The following TMEM255A variants were observed in gnomAD, a reference collection of about 807,000 sequenced individuals.
The protein encoded by TMEM255A is family with sequence similarity 70, member A.
TMEM255A carries 14 observed loss-of-function variants against 23.5 expected under a neutral mutation model. The ratio of observed to expected loss-of-function variants is 0.60; its 90% CI spans 0.39 to 0.93. The LOEUF (loss-of-function observed/expected upper bound fraction) is 0.93, where lower values mean the gene tolerates loss of function less well. TMEM255A is among the 40% of genes least tolerant of loss of function. The pLI is 0.00. For synonymous variants in TMEM255A, 104 were observed against 100.3 expected (o/e 1.04, Z -0.22); for missense variants, 233 against 261.7 (o/e 0.89, Z 0.76).
intron 7 of TMEM255A, among the ~76,000 whole-genome samples, chrX:120,270,110 G>T (rs887582499): frequency 9.0e-6 from 1 of 111,315 alleles, no homozygotes; most frequent in Non-Finnish European, 1.9e-5. Context: ...AGGATATAGA[G>T]AAAATGGACA....
chrX:120,287,206 T>C lies in TMEM255A; in HGVS notation c.371A>G (p.Tyr124Cys). Reference protein sequence around the residue: ...AARHIDLKPLYANRCHYVPKT... With the variant: ...AARHIDLKPLCANRCHYVPKT... ...GGGAACATAATGGCACCGGTTAGCG[T>C]AGAGTGGTTTCAGATCCTGAAAAGG... is the stretch of plus-strand genomic sequence containing the variant. Residue 124 changes from tyrosine to cysteine, a missense_variant, in exon 5 of 9, where the codon TAC becomes TGC. Coordinates refer to ENST00000371369, the MANE Select transcript of TMEM255A (RefSeq NM_001104544.3). 3.3e-6 allele frequency: 4 copies of C among 1,209,821 alleles called. No homozygotes were observed. The highest frequency in any genetic ancestry group is 4.5e-6 in the Non-Finnish European group (4 of 894,467).
At chrX:120,291,702 C>G (rs1876406502) in intron 3 of TMEM255A, among the ~76,000 whole-genome samples, 1 of 106,947 alleles carries the variant, frequency 9.4e-6, no homozygotes, top group African/African-American at 3.4e-5. Flanking sequence ...GTTCAATCCT[C>G]TATTTTATTT....
chrX:120,306,037 G>A (rs1452912617), intron 1 of TMEM255A, among the ~76,000 whole-genome samples: 1 of 111,769 alleles, frequency 8.9e-6, no homozygotes, highest in Non-Finnish European at 1.9e-5. Flanking sequence ...TGGTTTGAAC[G>A]TTTATAGGCA....
chrX:120,296,227 A>G (rs2057953828), intron 2 of TMEM255A, among the ~76,000 whole-genome samples: 1 of 111,168 alleles, frequency 9.0e-6, no homozygotes, highest in South Asian at 3.8e-4. Flanking sequence ...GACACTCTCT[A>G]TTCCTCATAT....
chrX:120,300,195 C>T (rs1467596228), intron 2 of TMEM255A, among the ~76,000 whole-genome samples: 2 of 110,919 alleles, frequency 1.8e-5, no homozygotes, highest in Non-Finnish European at 3.8e-5. Context: ...GGAGGTGTAC[C>T]GGGAAGCAGC....
chrX:120,277,081 C>T (rs782171699), intron 6 of TMEM255A, 34 bp from the exon 7 acceptor site: 3 of 1,170,532 alleles, frequency 2.6e-6, no homozygotes, highest in East Asian at 3.0e-5. Flanking sequence ...AGTCAGTCCC[C>T]AGGGAGCAGG....
chrX:120,265,049 G>C (rs1227226471), intron 8 of TMEM255A, among the ~76,000 whole-genome samples: 1 of 110,114 alleles, frequency 9.1e-6, no homozygotes, highest in Non-Finnish European at 1.9e-5. Context: ...AGCTAATTTT[G>C]TATTTTTAGT....
At chrX:120,266,628 C>T (rs943907951) in intron 8 of TMEM255A, among the ~76,000 whole-genome samples, 2 of 112,218 alleles carry the variant, frequency 1.8e-5, no homozygotes, top group African/African-American at 6.5e-5. Context: ...GTGCAAATTC[C>T]TGAAATCAAT....
chrX:120,286,003 C>G, intron 5 of TMEM255A: 2 of 909,498 alleles, frequency 2.2e-6, no homozygotes, highest in Non-Finnish European at 3.0e-6. Context: ...GCATTTTTTT[C>G]TATATTGGGT....
At chrX:120,296,875 TCA>T (rs782371284) in intron 2 of TMEM255A, among the ~76,000 whole-genome samples, 1 of 8,340 alleles carries the variant, frequency 1.2e-4, no homozygotes, top group Admixed American at 4.4e-3. Flanking sequence ...ATATTATATA[TCA>T]TATATATTAT....
At chrX:120,251,612 C>A in the TMEM255A span, among the ~76,000 whole-genome samples, 1 of 111,845 alleles carries the variant, frequency 8.9e-6, no homozygotes, top group Non-Finnish European at 1.9e-5. Context: ...TCAGCTGCCG[C>A]AGGGAGCCGC....
At chrX:120,286,004 T>C in intron 5 of TMEM255A, 1 of 902,755 alleles carries the variant, frequency 1.1e-6, no homozygotes, top group Non-Finnish European at 1.5e-6. Context: ...CATTTTTTTC[T>C]ATATTGGGTC....
intron 2 of TMEM255A, among the ~76,000 whole-genome samples, 159 bp from the exon 3 acceptor site, chrX:120,294,210 G>A (rs1177193350): frequency 2.7e-5 from 3 of 110,356 alleles, no homozygotes; most frequent in South Asian, 7.8e-4. Flanking sequence ...CGAGGCGGGC[G>A]GATCACGAGG....
Position 120,275,136 on chromosome X carries a change from C to G in TMEM255A, c.675+1749G>C, listed in dbSNP as rs182434792. On this transcript the variant is annotated intron_variant, in intron 7 of 8. Coordinates refer to ENST00000371369, the MANE Select transcript of TMEM255A (RefSeq NM_001104544.3). ...CAGAAACAGCTTTTTTTGCAGCTCT[C>G]TAACCTAAAAGCTTCCTCAAGGCCA... 3.2e-3 allele frequency among the ~76,000 whole-genome samples: 355 copies of G among 112,323 alleles called. 2 individuals are homozygous for G. The highest frequency in any genetic ancestry group is 0.011 in the African/African-American group (334 of 30,931).
At chrX:120,264,879 CTT>C (rs3030544) in intron 8 of TMEM255A, among the ~76,000 whole-genome samples, 5 of 93,632 alleles carry the variant, frequency 5.3e-5, no homozygotes, top group Non-Finnish European at 4.3e-5. Context: ...CTTGACTTTC[CTT>C]TTTTTTTTTT....
rs146774862 is a variant in TMEM255A, at chrX:120,281,686, C to T, written c.512+3441G>A. Among the ~76,000 whole-genome samples the T allele has an allele frequency of 2.6e-3, 293 of 112,746 alleles. 2 individuals are homozygous for T. The highest frequency in any genetic ancestry group is 8.8e-3 in the African/African-American group (273 of 31,065). On this transcript the variant is annotated intron_variant, in intron 6 of 8. Transcript: ENST00000371369. ...GAAGAAAAGAGTGAATGGAAGTAGG[C>T]TATCTTCTTTCATTTTATTACCAGC...
At chrX:120,296,653 ATATAT>A (rs2057960512) in intron 2 of TMEM255A, among the ~76,000 whole-genome samples, 1 of 65,529 alleles carries the variant, frequency 1.5e-5, no homozygotes, top group African/African-American at 6.7e-5. Flanking sequence ...ATAATATAAT[ATATAT>A]TATAATATAA....
intron 2 of TMEM255A, among the ~76,000 whole-genome samples, chrX:120,297,077 AT>A (rs1436456078): frequency 1.3e-4 from 1 of 7,660 alleles, no homozygotes; most frequent in Non-Finnish European, 1.5e-4. Context: ...TATATATTAT[AT>A]TATATTATAA....
intron 7 of TMEM255A, 141 bp from the exon 8 acceptor site, chrX:120,268,528 A>G: frequency 4.9e-6 from 2 of 409,396 alleles, no homozygotes; most frequent in Non-Finnish European, 7.7e-6. Context: ...AAGGTTGTCC[A>G]GGATATATTT....
Sources: allele counts gnomAD v4.1 joint callset (sites outside exome capture counted in the v4.1 genomes callset), GRCh38; gene constraint gnomAD v4.1.1; transcripts MANE v1.5; gene names NCBI Gene and HGNC (gene_info 2026-07-23, HGNC 2026-07-21).